Variants in SHMT1 observed in about 807,000 individuals in gnomAD.
SHMT1 encodes the protein serine hydroxymethyltransferase, cytosolic.
In SHMT1, 45 loss-of-function variants were observed where a neutral mutation model predicts 49.0. That is an observed-to-expected ratio of 0.92 (90% CI 0.72 to 1.18). The LOEUF (loss-of-function observed/expected upper bound fraction) is 1.18. Ranked by LOEUF, SHMT1 falls within the 50% of genes most tolerant of loss-of-function variation. The probability of loss-of-function intolerance (pLI) is 0.00; values close to 1 mark genes in which losing one functional copy is unlikely to be tolerated. For missense variants in SHMT1, 541 were observed against 612.4 expected (o/e 0.88, Z 1.23); for synonymous variants, 232 against 246.6 (o/e 0.94, Z 0.55).
intron 11 of SHMT1, 69 bp downstream of exon 11, chr17:18,329,209 G>T: frequency 1.7e-6 from 2 of 1,161,856 alleles, no homozygotes; most frequent in Non-Finnish European, 2.6e-6. Context: ...CAGGGTCTCA[G>T]CTACTCATCA....
intron 7 of SHMT1, among the ~76,000 whole-genome samples, chr17:18,338,426 T>C (rs1984090262): frequency 6.9e-6 from 1 of 144,206 alleles, no homozygotes; most frequent in African/African-American, 2.6e-5. Flanking sequence ...CGCCTGGCCG[T>C]CACCCCTTCC....
intron 5 of SHMT1, 125 bp downstream of exon 5, chr17:18,347,371 A>G (rs1985189803): frequency 8.7e-7 from 1 of 1,146,682 alleles, no homozygotes; most frequent in South Asian, 1.2e-5. Context: ...CTGCAAGGAA[A>G]TTAAAAACGG....
At chr17:18,352,934 C>T (rs188158890) in intron 3 of SHMT1, among the ~76,000 whole-genome samples, 21 of 152,118 alleles carry the variant, frequency 1.4e-4, no homozygotes, top group Middle Eastern at 3.4e-3. Context: ...AAGAAAACAC[C>T]TGGTGAATTC....
Position 18,328,295 on chromosome 17 carries a change from C to T in SHMT1, c.*455G>A, listed in dbSNP as rs570658343. The stretch of plus-strand genomic sequence containing the variant: ...AGAAGCCTCAGAAGCTAATTCAGTT[C>T]TCCTTTGGCATGCCACTGGATAACA... On this transcript the variant is annotated 3_prime_UTR_variant, in exon 12 of 12. Coordinates refer to ENST00000316694, the MANE Select transcript of SHMT1 (RefSeq NM_004169.5). The T allele has an allele frequency of 2.5e-5, 5 of 199,498 alleles. No homozygotes were observed. The South Asian group carries it at 3.3e-4, about 13-fold the overall frequency. 12.4% of individuals were successfully genotyped at this position (199,498 alleles called of 1,614,324 possible). A position where few individuals can be genotyped will look rare whatever the true frequency, so the allele number is the denominator to read the frequency against.
intron 1 of SHMT1, among the ~76,000 whole-genome samples, chr17:18,361,840 G>C (rs1372242937): frequency 6.6e-6 from 1 of 151,724 alleles, no homozygotes; most frequent in Non-Finnish European, 1.5e-5. Context: ...TTAACATTCA[G>C]TAATACCTGG....
intron 1 of SHMT1, among the ~76,000 whole-genome samples, chr17:18,359,729 C>T (rs1490242906): frequency 1.3e-5 from 2 of 151,618 alleles, no homozygotes. Flanking sequence ...GGGCAGACCA[C>T]AAGGTCAGGA....
intron 1 of SHMT1, among the ~76,000 whole-genome samples, chr17:18,356,903 A>C (rs1305777846): frequency 1.3e-5 from 2 of 152,080 alleles, no homozygotes; most frequent in Non-Finnish European, 2.9e-5. Context: ...CTTATCTCCC[A>C]CAACTAAACT....
At chr17:18,360,908 G>A (rs925610517) in intron 1 of SHMT1, among the ~76,000 whole-genome samples, 12 of 152,092 alleles carry the variant, frequency 7.9e-5, no homozygotes, top group African/African-American at 2.7e-4. Context: ...GGTGGCTGAC[G>A]CCTGTAATCC....
At chr17:18,333,323 G>C (rs1185426556) in intron 8 of SHMT1, 35 bp from the exon 9 acceptor site, 1 of 1,608,246 alleles carries the variant, frequency 6.2e-7, no homozygotes, top group Non-Finnish European at 8.5e-7. Context: ...AGGAGGCTAG[G>C]ATAGAATCAT....
At chr17:18,330,948 C>A (rs1341840542) in intron 9 of SHMT1, 1 of 455,072 alleles carries the variant, frequency 2.2e-6, no homozygotes, top group Non-Finnish European at 4.1e-6. Context: ...CTGCTCCTGG[C>A]TTGTTTTCTC....
In SHMT1 at chr17:18,328,663, G is replaced by T; in HGVS notation, c.*87C>A. The T allele has an allele frequency of 7.0e-7, 1 of 1,436,076 alleles. No homozygotes were observed. The allele number at this position is 1,436,076 out of a possible 1,614,324, so 89.0% of individuals were successfully genotyped here. ...CCCGAGTGTCAACAGTTCCCCTTTG[G>T]AGCAGCTCATCCATCTCTCAGGTGG... On this transcript the variant is annotated 3_prime_UTR_variant, in exon 12 of 12. Coordinates refer to ENST00000316694, the MANE Select transcript of SHMT1 (RefSeq NM_004169.5).
In SHMT1 at chr17:18,329,424, T is replaced by G. The variant is rs764417275; in HGVS notation, c.1172-36A>C. On this transcript the variant is annotated intron_variant, in intron 10 of 11. Coordinates refer to ENST00000316694, the MANE Select transcript of SHMT1 (RefSeq NM_004169.5). Reference sequence around the variant, plus strand: ...AACGGGGCTCTGTCCCTAAGTCACATTGTCACCACTGTGATGGTGGTGCAT... The same window carrying G: ...AACGGGGCTCTGTCCCTAAGTCACAGTGTCACCACTGTGATGGTGGTGCAT... The G allele has an allele frequency of 7.5e-6, 11 of 1,475,476 alleles. No homozygotes were observed. In the South Asian group the frequency reaches 8.0e-5, roughly 11 times the overall value. The allele number at this position is 1,475,476 out of a possible 1,614,324, so 91.4% of individuals were successfully genotyped here.
chr17:18,356,341 CTATT>C (rs773264294), intron 1 of SHMT1, among the ~76,000 whole-genome samples: 7 of 151,796 alleles, frequency 4.6e-5, no homozygotes, highest in Non-Finnish European at 1.0e-4. Flanking sequence ...CGCGCCCCAC[CTATT>C]TATTTTTATT....
intron 1 of SHMT1, among the ~76,000 whole-genome samples, chr17:18,356,576 G>A (rs920440301): frequency 3.3e-5 from 5 of 151,816 alleles, no homozygotes; most frequent in Admixed American, 2.0e-4. Context: ...CAAGTGATCC[G>A]CCTGCCTCGG....
chr17:18,334,546 C>T (rs971175800), intron 8 of SHMT1, among the ~76,000 whole-genome samples: 2 of 152,168 alleles, frequency 1.3e-5, no homozygotes, highest in African/African-American at 4.8e-5. Flanking sequence ...GCCTAAGAGC[C>T]GATGCTCTGA....
intron 10 of SHMT1, among the ~76,000 whole-genome samples, chr17:18,329,875 T>A (rs1036486813): frequency 3.9e-5 from 6 of 152,090 alleles, no homozygotes; most frequent in Non-Finnish European, 7.4e-5. Flanking sequence ...TTTGTTTTTG[T>A]TTTTTTGAGA....
At chr17:18,349,737 C>G (rs925890923) in intron 3 of SHMT1, among the ~76,000 whole-genome samples, 1 of 151,788 alleles carries the variant, frequency 6.6e-6, no homozygotes. Flanking sequence ...ATAAATAGGC[C>G]GGGCCCGGCG....
intron 10 of SHMT1, among the ~76,000 whole-genome samples, chr17:18,330,317 G>A (rs12952667): frequency 0.31 from 46,316 of 151,802 alleles, 7,380 homozygotes; most frequent in African/African-American, 0.35. Flanking sequence ...TCTATTTTTA[G>A]TAGAGACAGG....
chr17:18,360,368 G>A (rs561650518), intron 1 of SHMT1: 1 of 152,140 alleles, frequency 6.6e-6, no homozygotes, highest in East Asian at 1.9e-4. Flanking sequence ...ACCAGCCTAG[G>A]CAACATGGCA....
Sources: gnomAD v4.1 joint callset for allele counts (sites outside exome capture counted in the v4.1 genomes callset) on GRCh38, gnomAD v4.1.1 for gene constraint, MANE v1.5 for transcripts, NCBI Gene and HGNC (gene_info 2026-07-23, HGNC 2026-07-21) for gene names.